Variants in HEATR3 observed in about 807,000 individuals in gnomAD.
The protein encoded by HEATR3 is HEAT repeat-containing protein 3.
In HEATR3, 56 loss-of-function variants were observed where a neutral mutation model predicts 72.8. The ratio of observed to expected loss-of-function variants is 0.77; its 90% CI spans 0.62 to 0.96. The LOEUF (loss-of-function observed/expected upper bound fraction) is 0.96, where lower values mean the gene tolerates loss of function less well. Ranked by LOEUF, HEATR3 falls within the 40% of genes least tolerant of loss-of-function variation. The pLI, the probability that HEATR3 is intolerant of heterozygous loss-of-function variation, is 0.00. For synonymous variants in HEATR3, 331 were observed against 318.1 expected, an observed-to-expected ratio of 1.04 and a Z score of -0.43; for missense variants, 747 against 831.4, an observed-to-expected ratio of 0.90 and a Z score of 1.25.
At position 50,086,304 on chromosome 16, in the gene HEATR3, T is replaced by C. The variant is rs753533421; in HGVS notation, c.1463T>C (p.Leu488Pro). The change falls in exon 11 of 15, where the codon CTT becomes CCT. Residue 488 changes from leucine (L) to proline (P), a missense_variant. Around this residue, in one of 2 missense-constraint regions of HEATR3, gnomAD observed 586 missense variants for 708.8 expected, o/e 0.83. Transcript: ENST00000299192. ...DVEHLGGAAALQTLAQHLSQL... is the reference protein window; with the variant it reads ...DVEHLGGAAAPQTLAQHLSQL... ...GAGCACCTGGGAGGAGCCGCAGCCC[T>C]TCAGACGCTTGCACAGCATCTGTCA... is the stretch of plus-strand genomic sequence containing the variant. The C allele has an allele frequency of 4.4e-6, 7 of 1,593,792 alleles. No individual in the cohort carries two copies. Among genetic ancestry groups the C allele is most frequent in the Non-Finnish European group, 6.0e-6 (7 of 1,169,660 alleles).
rs1367806109 is a variant in HEATR3 at position 50,075,719 on chromosome 16, T to A, written c.763+8T>A. 12 of 1,610,520 alleles carry A rather than the reference T, an allele frequency of 7.5e-6. No homozygotes were observed. Among genetic ancestry groups the A allele is most frequent in the Non-Finnish European group, 1.0e-5 (12 of 1,177,844 alleles). ...TGAAGACATTGGTAGCAGGTAAAAT[T>A]TAGCCTTACGGCATAGTATATTGTT... On this transcript the variant is annotated splice_region_variant and intron_variant, in intron 6 of 14. Coordinates refer to ENST00000299192, the MANE Select transcript of HEATR3 (RefSeq NM_182922.4).
At position 50,066,181 on chromosome 16, in the gene HEATR3, C is replaced by G; in HGVS notation, c.50C>G (p.Thr17Arg). Residue 17 changes from threonine (T) to arginine (R), a missense_variant, in exon 1 of 15, where the codon ACG becomes AGG. Thr to Arg is a moderately conservative substitution (Grantham distance 71). Around this residue, in one of 2 missense-constraint regions of HEATR3, gnomAD observed 161 missense variants for 122.6 expected, o/e 1.31. Transcript: ENST00000299192. ...KRFKRPQFSP[T>R]GDCQAEAAAA... ...TTCAAGCGACCTCAGTTCTCCCCTA[C>G]GGGCGACTGTCAGGCCGAGGCGGCT... is the stretch of plus-strand genomic sequence containing the variant. 1 of 1,594,328 alleles carries G rather than the reference C, an allele frequency of 6.3e-7. No individual in the cohort carries two copies.
intron 5 of HEATR3, among the ~76,000 whole-genome samples, chr16:50,075,230 T>C (rs1567428568): frequency 6.7e-6 from 1 of 149,882 alleles, no homozygotes; most frequent in African/African-American, 2.5e-5. Context: ...GGCACAGGAA[T>C]CGTTTGAACC....
At chr16:50,071,673 T>C (rs896249099) in intron 4 of HEATR3, among the ~76,000 whole-genome samples, 9 of 152,240 alleles carry the variant, frequency 5.9e-5, no homozygotes, top group African/African-American at 1.9e-4. Flanking sequence ...GGCTCCTTCA[T>C]GCTGCCATAA....
chr16:50,088,334 G>T (rs1452362304), intron 11 of HEATR3, among the ~76,000 whole-genome samples: 1 of 152,160 alleles, frequency 6.6e-6, no homozygotes, highest in Non-Finnish European at 1.5e-5. Flanking sequence ...CCCATATGTG[G>T]TTACTGAGCT....
chr16:50,086,469 C>A, intron 11 of HEATR3, 118 bp downstream of exon 11: 3 of 1,099,750 alleles, frequency 2.7e-6, no homozygotes, highest in Non-Finnish European at 3.8e-6. Context: ...CTTTCCCAGA[C>A]ACAGGAATCA....
chr16:50,086,011 G>A (rs1025139167), intron 10 of HEATR3, among the ~76,000 whole-genome samples: 8 of 152,100 alleles, frequency 5.3e-5, no homozygotes, highest in African/African-American at 1.9e-4. Context: ...CTGGGCAACA[G>A]AGTAAGACCC....
At position 50,066,219 on chromosome 16, in the gene HEATR3, G is replaced by A; in HGVS notation, c.88G>A (p.Gly30Arg). 2 of 1,576,280 alleles carry A rather than the reference G, an allele frequency of 1.3e-6. No individual in the cohort carries two copies. The highest frequency in any genetic ancestry group is 2.3e-5 in the East Asian group (1 of 43,040). Residue 30 changes from glycine (G) to arginine (R), a missense_variant, in exon 1 of 15, where the codon GGG becomes AGG. By Grantham distance (125) the Gly-to-Arg change is moderately radical. Coordinates refer to ENST00000299192, the MANE Select transcript of HEATR3 (RefSeq NM_182922.4). ...GGCCGAGGCGGCTGCGGCGGCGAAT[G>A]GGACCGGAGGCGAGGAGGACGACGG... ...CQAEAAAAAN[G>R]TGGEEDDGPA...
At chr16:50,071,704 GTAGA>G (rs1379581498) in intron 4 of HEATR3, among the ~76,000 whole-genome samples, 2 of 152,146 alleles carry the variant, frequency 1.3e-5, no homozygotes, top group Non-Finnish European at 2.9e-5. Flanking sequence ...AGGTAGGTAG[GTAGA>G]TAGAAGATAT....
chr16:50,071,039 G>A (rs1031680346), intron 4 of HEATR3, among the ~76,000 whole-genome samples: 1 of 152,204 alleles, frequency 6.6e-6, no homozygotes, highest in Non-Finnish European at 1.5e-5. Flanking sequence ...TGATTGGGAA[G>A]TAGATGCCTA....
chr16:50,066,025 C>G lies in HEATR3; in HGVS notation c.-107C>G. On this transcript the variant is annotated 5_prime_UTR_variant, in exon 1 of 15. Coordinates refer to ENST00000299192, the MANE Select transcript of HEATR3 (RefSeq NM_182922.4). ...TGCCCATGTGTGCTGCAGCCGTCAGCCGGCCCAGCTGAGCAGCAGCAACGG... is the reference window on the plus strand; with the variant it reads ...TGCCCATGTGTGCTGCAGCCGTCAGGCGGCCCAGCTGAGCAGCAGCAACGG... 1 of 1,253,884 alleles carries G rather than the reference C, an allele frequency of 8.0e-7. No homozygotes were observed. The highest frequency in any genetic ancestry group is 1.1e-6 in the Non-Finnish European group (1 of 920,824). 77.7% of individuals were successfully genotyped at this position (1,253,884 alleles called of 1,614,324 possible).
rs758420187 is a variant in HEATR3 at position 50,066,098 on chromosome 16, C to T, written c.-34C>T. 1.7e-5 allele frequency: 26 copies of T among 1,563,452 alleles called. No homozygotes were observed. The highest frequency in any genetic ancestry group is 4.1e-5 in the African/African-American group (3 of 73,632). On this transcript the variant is annotated 5_prime_UTR_variant, in exon 1 of 15. Transcript: ENST00000299192. ...CTCCACCGCCTGCTGTTGCCCTCCT[C>T]TCTCGGTGGTCTGTCCGCCCAGCGC... is the stretch of plus-strand genomic sequence containing the variant.
At chr16:50,081,665 G>A (rs1288525407) in intron 7 of HEATR3, among the ~76,000 whole-genome samples, 3 of 152,122 alleles carry the variant, frequency 2.0e-5, no homozygotes, top group Admixed American at 6.5e-5. Context: ...TTCAGCTGTG[G>A]TCTTCCACAC....
chr16:50,093,164 A>G (rs2037157392), intron 11 of HEATR3, among the ~76,000 whole-genome samples: 1 of 152,196 alleles, frequency 6.6e-6, no homozygotes, highest in South Asian at 2.1e-4. Context: ...CGGGATTAGA[A>G]TTTGAACAGA....
At chr16:50,094,568 G>T (rs1044166407) in intron 11 of HEATR3, 137 bp from the exon 12 acceptor site, 1 of 509,680 alleles carries the variant, frequency 2.0e-6, no homozygotes, top group Non-Finnish European at 3.5e-6. Flanking sequence ...CTTAAATATC[G>T]AGGGTTTTTT....
chr16:50,098,701 AAAG>A (rs138753287), intron 12 of HEATR3, among the ~76,000 whole-genome samples: 3 of 151,956 alleles, frequency 2.0e-5, no homozygotes, highest in African/African-American at 4.8e-5. Context: ...AAATTAGAGA[AAAG>A]AAAGAAAAAT....
At chr16:50,069,992 G>A (rs2036575972) in intron 3 of HEATR3, among the ~76,000 whole-genome samples, 186 bp from the exon 4 acceptor site, 1 of 152,158 alleles carries the variant, frequency 6.6e-6, no homozygotes, top group African/African-American at 2.4e-5. Flanking sequence ...CCTTCCTACT[G>A]TCTTTTATTA....
chr16:50,075,764 A>G lies in HEATR3; in HGVS notation c.763+53A>G, dbSNP rs2036713823. On this transcript the variant is annotated intron_variant, in intron 6 of 14. Coordinates refer to ENST00000299192, the MANE Select transcript of HEATR3 (RefSeq NM_182922.4). ...ATTGTTTCAGTAGCTTTTGGTATGGATGTGGTGGGGGCAAAATTTAGTCAT... is the reference window on the plus strand; with the variant it reads ...ATTGTTTCAGTAGCTTTTGGTATGGGTGTGGTGGGGGCAAAATTTAGTCAT... 13 of 1,534,316 alleles carry G rather than the reference A, an allele frequency of 8.5e-6. No individual in the cohort carries two copies. In the Admixed American group the frequency reaches 2.3e-4, roughly 27 times the overall value.
chr16:50,068,376 T>C (rs1056825285), intron 2 of HEATR3, among the ~76,000 whole-genome samples: 1 of 152,120 alleles, frequency 6.6e-6, no homozygotes, highest in African/African-American at 2.4e-5. Context: ...CTGAGCTCAA[T>C]TGATCCTCCC....
Sources: allele counts gnomAD v4.1 joint callset (sites outside exome capture counted in the v4.1 genomes callset), GRCh38; gene constraint gnomAD v4.1.1; regional missense constraint gnomAD v4.1.1; transcripts MANE v1.5; gene names NCBI Gene and HGNC (gene_info 2026-07-23, HGNC 2026-07-21).